Variants in MYO9A observed in about 807,000 individuals in gnomAD.
MYO9A encodes the protein myosin IXA.
Under a neutral mutation model 293.3 loss-of-function variants are expected in MYO9A, and 103 were observed. The ratio of observed to expected loss-of-function variants is 0.35; its 90% CI spans 0.30 to 0.41. The LOEUF (loss-of-function observed/expected upper bound fraction) is 0.41. Ranked by LOEUF, MYO9A falls within the 10% of genes least tolerant of loss-of-function variation. MYO9A has a pLI of 1.00. For synonymous variants in MYO9A, 1,001 were observed against 1,035.7 expected, an observed-to-expected ratio of 0.97 and a Z score of 0.64; for missense variants, 2,685 against 3,033.0, an observed-to-expected ratio of 0.89 and a Z score of 2.69.
Position 72,112,397 on chromosome 15 carries a change from G to A in MYO9A, c.-72+5283C>T, listed in dbSNP as rs1053986137. Among the ~76,000 whole-genome samples the A allele has an allele frequency of 3.9e-5, 6 of 152,180 alleles. No individual in the cohort carries two copies. In the South Asian group the frequency reaches 1.2e-3, roughly 32 times the overall value. ...AAAACCCAGAGGCCTAACACTATTTGGAAAGTGCTTTACATGTTTACTATA... is the reference window on the plus strand; with the variant it reads ...AAAACCCAGAGGCCTAACACTATTTAGAAAGTGCTTTACATGTTTACTATA... On this transcript the variant is annotated intron_variant, in intron 1 of 41. Transcript: ENST00000356056.
At chr15:72,010,205 A>C (rs1200482270) in intron 7 of MYO9A, 145 bp downstream of exon 7, 1 of 563,510 alleles carries the variant, frequency 1.8e-6, no homozygotes, top group African/African-American at 1.9e-5. Flanking sequence ...AAAAAAAGGA[A>C]TTAGAAATAA....
At chr15:71,987,816 T>C (rs925883282) in intron 11 of MYO9A, among the ~76,000 whole-genome samples, 2 of 152,128 alleles carry the variant, frequency 1.3e-5, no homozygotes, top group Non-Finnish European at 2.9e-5. Flanking sequence ...AAGTAATCAC[T>C]GAGTACCCAT....
At chr15:71,888,182 T>C in intron 26 of MYO9A, 66 bp from the exon 27 acceptor site, 1 of 840,504 alleles carries the variant, frequency 1.2e-6, no homozygotes, top group Non-Finnish European at 1.9e-6. Flanking sequence ...GTAATTTAAA[T>C]TCAGGTTACA....
chr15:72,033,955 A>G (rs1327090547), intron 2 of MYO9A, among the ~76,000 whole-genome samples: 2 of 152,216 alleles, frequency 1.3e-5, no homozygotes, highest in African/African-American at 4.8e-5. Context: ...TGGGAATGGC[A>G]TGCCCTCTAA....
At chr15:72,042,073 T>C (rs937498079) in intron 2 of MYO9A, among the ~76,000 whole-genome samples, 1 of 148,540 alleles carries the variant, frequency 6.7e-6, no homozygotes, top group African/African-American at 2.5e-5. Context: ...AGAAAAGACT[T>C]CCCAATTCAT....
chr15:71,875,803 CT>C lies in MYO9A; in HGVS notation c.5966del (p.Lys1989ArgfsTer31). On this transcript the variant is annotated frameshift_variant, in exon 32 of 42. Coordinates refer to ENST00000356056, the MANE Select transcript of MYO9A (RefSeq NM_006901.4). LOFTEE classifies it high-confidence loss of function. ...PKTERKKRRKKETDLVEEHNG... is the reference protein window; with the variant it reads ...PKTERKKRRKXETDLVEEHNG... Reference sequence around the variant, plus strand: ...GATTATAACTTACCAAATCAGTTTCCTTTTTCCTTCTTTTCTTTCTTTCTGT... The same window carrying C: ...GATTATAACTTACCAAATCAGTTTCCTTTTCCTTCTTTTCTTTCTTTCTGT... 3.7e-6 allele frequency: 5 copies of C among 1,365,184 alleles called. No homozygotes were observed. Among genetic ancestry groups the C allele is most frequent in the South Asian group, 2.0e-5 (1 of 49,566 alleles). 84.6% of individuals were successfully genotyped at this position (1,365,184 alleles called of 1,614,324 possible).
At chr15:71,862,379 G>A in intron 33 of MYO9A, 121 bp downstream of exon 33, 1 of 721,366 alleles carries the variant, frequency 1.4e-6, no homozygotes, top group Non-Finnish European at 2.4e-6. Flanking sequence ...TATAGCAAGA[G>A]ATGAGGTTAA....
intron 11 of MYO9A, among the ~76,000 whole-genome samples, chr15:71,987,805 C>T (rs942822053): frequency 1.3e-5 from 2 of 152,018 alleles, no homozygotes; most frequent in Non-Finnish European, 2.9e-5. Context: ...CTGAACTTAA[C>T]AAGTAATCAC....
rs750164438 is a variant in MYO9A, at chr15:71,898,354, T to G, written c.4149A>C (p.Ala1383=). 2 of 1,613,604 alleles carry G rather than the reference T, an allele frequency of 1.2e-6. No homozygotes were observed. The highest frequency in any genetic ancestry group is 1.7e-5 in the Admixed American group (1 of 60,002). Residue 1383 remains alanine (A), a synonymous_variant, in exon 25 of 42, where the codon GCA becomes GCC. Coordinates refer to ENST00000356056, the MANE Select transcript of MYO9A (RefSeq NM_006901.4). ...ALSASNETSS[A]EHLKDGTMKE... ...TCATAGTTCCATCCTTCAAATGCTC[T>G]GCACTGCTAGTCTCATTTGAGGCAC... is the stretch of plus-strand genomic sequence containing the variant.
At chr15:71,890,220 C>G (rs1284935329) in intron 26 of MYO9A, 1 of 152,084 alleles carries the variant, frequency 6.6e-6, no homozygotes, top group African/African-American at 2.4e-5. Flanking sequence ...AGACAAGGAT[C>G]AGAGAGTATC....
intron 31 of MYO9A, among the ~76,000 whole-genome samples, chr15:71,876,334 G>T: frequency 6.6e-6 from 1 of 150,470 alleles, no homozygotes; most frequent in Middle Eastern, 3.4e-3. Context: ...TTTTGAGACC[G>T]GCTGGTCTCA....
intron 1 of MYO9A, among the ~76,000 whole-genome samples, chr15:72,074,539 T>C (rs1181825652): frequency 1.3e-5 from 2 of 152,214 alleles, no homozygotes; most frequent in Non-Finnish European, 2.9e-5. Flanking sequence ...AATAATCCTA[T>C]AGACTGATAC....
chr15:72,047,367 A>G (rs1434380881), intron 1 of MYO9A, among the ~76,000 whole-genome samples: 2 of 152,188 alleles, frequency 1.3e-5, no homozygotes, highest in African/African-American at 4.8e-5. Context: ...CTACCATTAT[A>G]TCTTTTTACC....
chr15:71,991,750 G>T (rs530306513), intron 10 of MYO9A, among the ~76,000 whole-genome samples: 1 of 152,216 alleles, frequency 6.6e-6, no homozygotes, highest in East Asian at 1.9e-4. Context: ...ATGTCAGAAC[G>T]TATGGTTTCT....
chr15:71,881,853 G>T (rs2056882681), intron 28 of MYO9A, among the ~76,000 whole-genome samples: 1 of 152,190 alleles, frequency 6.6e-6, no homozygotes, highest in Non-Finnish European at 1.5e-5. Context: ...AAAAAACTTA[G>T]AAGGATGACT....
At chr15:72,043,492 T>A (rs1596458281) in intron 2 of MYO9A, among the ~76,000 whole-genome samples, 2 of 152,336 alleles carry the variant, frequency 1.3e-5, no homozygotes, top group South Asian at 2.1e-4. Context: ...CATGGAATAC[T>A]ATTACCTTAG....
chr15:72,082,665 T>A lies in MYO9A; in HGVS notation c.-72+35015A>T, dbSNP rs186529674. On this transcript the variant is annotated intron_variant, in intron 1 of 41. Coordinates refer to ENST00000356056, the MANE Select transcript of MYO9A (RefSeq NM_006901.4). ...AGTTTTGGCCCATGCAGTATGATGTTGGCTGTGGGTCTGTCTTATTATTTT... is the reference window on the plus strand; with the variant it reads ...AGTTTTGGCCCATGCAGTATGATGTAGGCTGTGGGTCTGTCTTATTATTTT... Among the ~76,000 whole-genome samples the A allele has an allele frequency of 2.6e-4, 39 of 152,212 alleles. No individual in the cohort carries two copies. The East Asian group carries it at 6.6e-3, about 26-fold the overall frequency.
At chr15:72,105,291 A>G (rs547619782) in intron 1 of MYO9A, among the ~76,000 whole-genome samples, 2 of 152,006 alleles carry the variant, frequency 1.3e-5, no homozygotes, top group South Asian at 4.2e-4. Flanking sequence ...CATGATCATT[A>G]TGGCTCAGTG....
chr15:72,079,023 T>C (rs572704859), intron 1 of MYO9A, among the ~76,000 whole-genome samples: 11 of 152,276 alleles, frequency 7.2e-5, no homozygotes, highest in African/African-American at 2.6e-4. Flanking sequence ...AACTATTCTC[T>C]ATGATACTGT....
Sources: gnomAD v4.1 joint callset for allele counts (sites outside exome capture counted in the v4.1 genomes callset) on GRCh38, gnomAD v4.1.1 for gene constraint, MANE v1.5 for transcripts, NCBI Gene and HGNC (gene_info 2026-07-23, HGNC 2026-07-21) for gene names.